CLIC5: variants seen among roughly 807,000 people sequenced by gnomAD.
The protein encoded by CLIC5 is CLIC family member 5, also known as chloride intracellular channel protein 5.
In CLIC5, 20 loss-of-function variants were observed where a neutral mutation model predicts 24.7. The ratio of observed to expected loss-of-function variants is 0.81; its 90% CI spans 0.57 to 1.18. The LOEUF is 1.18. CLIC5 is among the 50% of genes most tolerant of loss of function. The pLI, the probability that CLIC5 is intolerant of heterozygous loss-of-function variation, is 0.00. For missense variants in CLIC5, 341 were observed against 326.1 expected (o/e 1.05, Z -0.35); for synonymous variants, 159 against 135.6 (o/e 1.17, Z -1.20).
the CLIC5 span, among the ~76,000 whole-genome samples, chr6:46,089,449 T>C: frequency 1.3e-5 from 2 of 152,100 alleles, no homozygotes; most frequent in African/African-American, 4.8e-5. Context: ...GCAATAATGT[T>C]TGTGGCCAGA....
chr6:46,006,091 TAC>T (rs1479766697), intron 1 of CLIC5, among the ~76,000 whole-genome samples: 2 of 59,816 alleles, frequency 3.3e-5, no homozygotes, highest in Non-Finnish European at 2.9e-5. Flanking sequence ...CATGTATAAA[TAC>T]ATATATATAT....
intron 1 of CLIC5, among the ~76,000 whole-genome samples, chr6:45,974,495 G>A (rs73738318): frequency 0.081 from 6,200 of 76,096 alleles, 457 homozygotes; most frequent in African/African-American, 0.21. Flanking sequence ...GTGTGTGTGT[G>A]TGTATATATA....
At chr6:46,073,058 T>C (rs9885864) in intron 1 of CLIC5, among the ~76,000 whole-genome samples, 11,199 of 152,202 alleles carry the variant, frequency 0.074, 723 homozygotes, top group African/African-American at 0.17. Flanking sequence ...GTTGGTTCAC[T>C]CCTCTGACTT....
At chr6:46,109,374 T>C in the CLIC5 span, among the ~76,000 whole-genome samples, 1 of 151,858 alleles carries the variant, frequency 6.6e-6, no homozygotes, top group Non-Finnish European at 1.5e-5. Context: ...CTTCCAGGAC[T>C]CTAATTAAAA....
intron 1 of CLIC5, among the ~76,000 whole-genome samples, chr6:45,978,728 G>A (rs9381413): frequency 0.11 from 17,179 of 152,128 alleles, 1,520 homozygotes; most frequent in East Asian, 0.48. Context: ...AGGCTGAGGC[G>A]AGTGGATCAC....
chr6:45,962,152 C>T (rs956239134), intron 1 of CLIC5, among the ~76,000 whole-genome samples: 1 of 148,886 alleles, frequency 6.7e-6, no homozygotes, highest in Non-Finnish European at 1.5e-5. Context: ...TTATATAATA[C>T]ATTATAATAA....
At chr6:45,953,628 G>A (rs1487970013) in intron 2 of CLIC5, among the ~76,000 whole-genome samples, 2 of 151,746 alleles carry the variant, frequency 1.3e-5, no homozygotes, top group Non-Finnish European at 2.9e-5. Context: ...AAGACAAATC[G>A]GGGCTTCGGA....
At chr6:45,947,811 T>C (rs1328993361) in intron 3 of CLIC5, among the ~76,000 whole-genome samples, 1 of 152,146 alleles carries the variant, frequency 6.6e-6, no homozygotes, top group Admixed American at 6.5e-5. Context: ...GAGATGTGTG[T>C]GTGTATGTGG....
intron 4 of CLIC5, among the ~76,000 whole-genome samples, chr6:45,934,672 G>A (rs891710407): frequency 6.6e-6 from 1 of 152,244 alleles, no homozygotes; most frequent in Non-Finnish European, 1.5e-5. Flanking sequence ...CGTGAATAGA[G>A]CAGGAGAAAT....
chr6:46,091,680 G>A, the CLIC5 span, among the ~76,000 whole-genome samples: 2 of 152,186 alleles, frequency 1.3e-5, no homozygotes, highest in African/African-American at 4.8e-5. Context: ...CGAGGCTGCA[G>A]TGAGCCATGT....
intron 6 of CLIC5, among the ~76,000 whole-genome samples, chr6:45,893,130 G>T (rs964469329): frequency 1.3e-5 from 2 of 151,760 alleles, no homozygotes; most frequent in Non-Finnish European, 2.9e-5. Context: ...TTCAGCGAGA[G>T]TCTCATGCTT....
intron 1 of CLIC5, among the ~76,000 whole-genome samples, chr6:46,034,541 G>T (rs1386357267): frequency 6.6e-6 from 1 of 152,180 alleles, no homozygotes; most frequent in African/African-American, 2.4e-5. Flanking sequence ...GTTCAAGTCT[G>T]CAGTGAGCTA....
chr6:45,914,763 C>T (rs1762958140), intron 4 of CLIC5, among the ~76,000 whole-genome samples: 1 of 151,782 alleles, frequency 6.6e-6, no homozygotes, highest in Middle Eastern at 3.4e-3. Context: ...CCACCCTAGC[C>T]AATATGGTGA....
intron 1 of CLIC5, among the ~76,000 whole-genome samples, chr6:45,964,376 G>T (rs1045824245): frequency 6.6e-6 from 1 of 152,200 alleles, no homozygotes; most frequent in Admixed American, 6.5e-5. Flanking sequence ...CCAGCTAGAG[G>T]TGGAGTCCAC....
intron 1 of CLIC5, among the ~76,000 whole-genome samples, chr6:45,983,551 G>A (rs186443887): frequency 1.3e-5 from 2 of 152,300 alleles, no homozygotes; most frequent in Admixed American, 6.5e-5. Flanking sequence ...GGCCTTAGGA[G>A]TTACAGACGC....
chr6:45,983,475 C>T (rs1275094483), intron 1 of CLIC5, among the ~76,000 whole-genome samples: 3 of 152,080 alleles, frequency 2.0e-5, no homozygotes, highest in Non-Finnish European at 4.4e-5. Flanking sequence ...TTGTAACAAT[C>T]GGTTGGAAGA....
chr6:46,018,321 T>A (rs1019318598), upstream of CLIC5, among the ~76,000 whole-genome samples: 2 of 152,234 alleles, frequency 1.3e-5, no homozygotes, highest in Admixed American at 1.3e-4. Context: ...TGACTTCTCT[T>A]TCCTTAATCC....
At chr6:46,101,978 GT>G in the CLIC5 span, among the ~76,000 whole-genome samples, 1 of 151,358 alleles carries the variant, frequency 6.6e-6, no homozygotes, top group Non-Finnish European at 1.5e-5. Flanking sequence ...AAAGAAGTGT[GT>G]GTGTTGGGGG....
At chr6:46,055,011 C>A (rs543773240) in intron 1 of CLIC5, among the ~76,000 whole-genome samples, 1 of 152,188 alleles carries the variant, frequency 6.6e-6, no homozygotes, top group African/African-American at 2.4e-5. Context: ...AAGAGATGTT[C>A]CCTTTTCTGT....
Sources: allele counts gnomAD v4.1 joint callset (sites outside exome capture counted in the v4.1 genomes callset), GRCh38; gene constraint gnomAD v4.1.1; transcripts MANE v1.5; gene names NCBI Gene and HGNC (gene_info 2026-07-23, HGNC 2026-07-21).